Variants in TMEM229B observed in about 807,000 individuals in gnomAD.
TMEM229B encodes transmembrane protein 229B.
TMEM229B carries 6 observed loss-of-function variants against 13.7 expected under a neutral mutation model. The observed-to-expected ratio is 0.44, with a 90% confidence interval of 0.24 to 0.86. The LOEUF (loss-of-function observed/expected upper bound fraction) is 0.86. Among genes scored for constraint, TMEM229B ranks in the 40% least tolerant of loss-of-function variants. The pLI is 0.23. For missense variants in TMEM229B, 170 were observed against 236.0 expected, an observed-to-expected ratio of 0.72 and a Z score of 1.83; for synonymous variants, 107 against 102.1, an observed-to-expected ratio of 1.05 and a Z score of -0.29.
rs189594202 is a variant in TMEM229B, at chr14:67,480,530, G to A, written c.-19+6470C>T. ...CCCCCTCATTTAACCTCCTACCCCC[G>A]GGCAGGAGAGAACAGATCCAGGCTC... On this transcript the variant is annotated intron_variant, in intron 2 of 2. Transcript: ENST00000554480. 2.6e-5 allele frequency among the ~76,000 whole-genome samples: 4 copies of A among 152,186 alleles called. No individual in the cohort carries two copies. In the East Asian group the frequency reaches 5.8e-4, roughly 22 times the overall value.
chr14:67,494,750 G>T (rs1200330300), intron 1 of TMEM229B, among the ~76,000 whole-genome samples: 2 of 152,166 alleles, frequency 1.3e-5, no homozygotes, highest in Admixed American at 1.3e-4. Context: ...ATCCAACAGA[G>T]GAACACAGAA....
At chr14:67,495,731 A>C (rs2032340862) in intron 1 of TMEM229B, among the ~76,000 whole-genome samples, 1 of 151,512 alleles carries the variant, frequency 6.6e-6, no homozygotes, top group Non-Finnish European at 1.5e-5. Context: ...TGATCCACTC[A>C]CCCCGGCCTC....
chr14:67,524,948 G>A (rs568425352), intron 1 of TMEM229B, among the ~76,000 whole-genome samples: 1 of 152,312 alleles, frequency 6.6e-6, no homozygotes, highest in East Asian at 1.9e-4. Context: ...AGGAATGGGT[G>A]GTTATGGGTG....
chr14:67,500,166 AAAAT>A (rs534190274), intron 1 of TMEM229B, among the ~76,000 whole-genome samples: 162 of 152,210 alleles, frequency 1.1e-3, no homozygotes, highest in African/African-American at 3.8e-3. Flanking sequence ...CCTGTCTCTT[AAAAT>A]AAATAAATAA....
At chr14:67,474,019 G>A (rs529755957) in intron 2 of TMEM229B, 78 bp from the exon 3 acceptor site, 91 of 1,412,002 alleles carry the variant, frequency 6.4e-5, no homozygotes, top group Non-Finnish European at 7.9e-5. Flanking sequence ...TTGGGAGGCC[G>A]AGGCGGCGGA....
intron 2 of TMEM229B, among the ~76,000 whole-genome samples, chr14:67,479,535 T>C (rs1214063976): frequency 1.3e-5 from 2 of 151,398 alleles, no homozygotes; most frequent in South Asian, 2.1e-4. Flanking sequence ...CTGGCCAACA[T>C]GGTGAAACCA....
chr14:67,479,365 C>T (rs936619680), intron 2 of TMEM229B, among the ~76,000 whole-genome samples: 39 of 148,798 alleles, frequency 2.6e-4, no homozygotes, highest in Admixed American at 6.0e-4. Flanking sequence ...TGAGCGAGAT[C>T]GTACCACTGC....
chr14:67,481,212 G>A (rs948376987), intron 2 of TMEM229B, among the ~76,000 whole-genome samples: 1 of 152,208 alleles, frequency 6.6e-6, no homozygotes, highest in Non-Finnish European at 1.5e-5. Flanking sequence ...GAGTTCAAGA[G>A]TTTGAGGCTA....
intron 2 of TMEM229B, among the ~76,000 whole-genome samples, chr14:67,479,948 C>T (rs2031482908): frequency 6.6e-6 from 1 of 152,144 alleles, no homozygotes; most frequent in Non-Finnish European, 1.5e-5. Context: ...TCCTAACTGC[C>T]TGGGTTGGAA....
Position 67,473,377 on chromosome 14 carries a change from T to C in TMEM229B, c.*43A>G, listed in dbSNP as rs1261002267. On this transcript the variant is annotated 3_prime_UTR_variant, in exon 3 of 3. Coordinates refer to ENST00000554480, the MANE Select transcript of TMEM229B (RefSeq NM_001348543.2). The surrounding 1 kb of genome is among the most constrained non-coding windows in gnomAD (Gnocchi z 6.5). The stretch of plus-strand genomic sequence containing the variant: ...CTCACCAGCTTGGTCTCTTTGTCCA[T>C]GAGTTCCATGAGAGATCCCCAGGCC... 3.1e-6 allele frequency: 5 copies of C among 1,594,996 alleles called. No individual in the cohort carries two copies. The highest frequency in any genetic ancestry group is 4.3e-6 in the Non-Finnish European group (5 of 1,170,728).
chr14:67,496,019 A>G (rs1457358930), intron 1 of TMEM229B, among the ~76,000 whole-genome samples: 1 of 152,188 alleles, frequency 6.6e-6, no homozygotes, highest in Non-Finnish European at 1.5e-5. Flanking sequence ...GTGTGTGGCC[A>G]TGTTAGATAA....
intron 1 of TMEM229B, among the ~76,000 whole-genome samples, chr14:67,496,221 T>C (rs2032358901): frequency 6.6e-6 from 1 of 151,902 alleles, no homozygotes; most frequent in Admixed American, 6.6e-5. Flanking sequence ...TGTATCTATT[T>C]ATTTATTTAT....
intron 1 of TMEM229B, among the ~76,000 whole-genome samples, chr14:67,506,800 G>A (rs2032844280): frequency 1.3e-5 from 2 of 152,096 alleles, no homozygotes; most frequent in South Asian, 2.1e-4. Context: ...CCTGGCCAAC[G>A]TGGTGAAACT....
intron 1 of TMEM229B, among the ~76,000 whole-genome samples, chr14:67,513,765 T>A (rs774805204): frequency 1.3e-5 from 2 of 152,066 alleles, no homozygotes; most frequent in Non-Finnish European, 2.9e-5. Flanking sequence ...GGGAAGCAGA[T>A]GTATCTGTCT....
chr14:67,476,653 T>C (rs2478037), intron 2 of TMEM229B, among the ~76,000 whole-genome samples: 77,069 of 152,002 alleles, frequency 0.51, 20,296 homozygotes, highest in African/African-American at 0.66. Flanking sequence ...TACTCCCATT[T>C]TTTTGCAGTG....
intron 1 of TMEM229B, among the ~76,000 whole-genome samples, chr14:67,525,707 T>C (rs1395982498): frequency 6.6e-6 from 1 of 152,254 alleles, no homozygotes; most frequent in Non-Finnish European, 1.5e-5. Context: ...TTTATTATGC[T>C]TGACGGGAAA....
chr14:67,473,232 T>TCCCCCAACACCTGACCACGGC lies in TMEM229B; in HGVS notation c.*167_*187dup. The TCCCCCAACACCTGACCACGGC allele has an allele frequency of 1.4e-6, 1 of 726,912 alleles. No homozygotes were observed. Among genetic ancestry groups the TCCCCCAACACCTGACCACGGC allele is most frequent in the Non-Finnish European group, 2.2e-6 (1 of 454,584 alleles). The allele number at this position is 726,912 out of a possible 1,614,324, so 45.0% of individuals were successfully genotyped here. Reference sequence around the variant, plus strand: ...GTCCCTCTGCTGCCTCCACACCCCATCCCCCAACACCTGACCACGGCCCCC... The same window carrying TCCCCCAACACCTGACCACGGC: ...GTCCCTCTGCTGCCTCCACACCCCATCCCCCAACACCTGACCACGGCCCCCCAACACCTGACCACGGCCCCC... On this transcript the variant is annotated 3_prime_UTR_variant, in exon 3 of 3. Transcript: ENST00000554480. The surrounding 1 kb of genome is among the most constrained non-coding windows in gnomAD (Gnocchi z 6.5).
intron 1 of TMEM229B, among the ~76,000 whole-genome samples, chr14:67,525,404 C>A (rs1321142608): frequency 6.6e-6 from 1 of 152,156 alleles, no homozygotes; most frequent in East Asian, 1.9e-4. Flanking sequence ...CTAGATGAAT[C>A]ATAATTTTAA....
At chr14:67,522,255 G>T (rs1193968681) in intron 1 of TMEM229B, among the ~76,000 whole-genome samples, 1 of 152,276 alleles carries the variant, frequency 6.6e-6, no homozygotes, top group Non-Finnish European at 1.5e-5. Flanking sequence ...CCCCGTACCC[G>T]CTCCTCTCCC....
Sources: allele counts gnomAD v4.1 joint callset (sites outside exome capture counted in the v4.1 genomes callset), GRCh38; gene constraint gnomAD v4.1.1; non-coding constraint Gnocchi (gnomAD v3.1); transcripts MANE v1.5; gene names NCBI Gene and HGNC (gene_info 2026-07-23, HGNC 2026-07-21).